PCNT: variants seen among roughly 807,000 people sequenced by gnomAD.
PCNT encodes pericentrin, also known as kendrin.
In PCNT, 319 loss-of-function variants were observed where a neutral mutation model predicts 380.4. The ratio of observed to expected loss-of-function variants is 0.84; its 90% CI spans 0.77 to 0.92. PCNT has a LOEUF of 0.92. Among genes scored for constraint, PCNT ranks in the 40% least tolerant of loss-of-function variants. The pLI, the probability that PCNT is intolerant of heterozygous loss-of-function variation, is 0.00. For synonymous variants in PCNT, 1,845 were observed against 1,735.2 expected (o/e 1.06, Z -1.57); for missense variants, 4,400 against 4,255.3 (o/e 1.03, Z -0.95).
chr21:46,411,443 C>T lies in PCNT; in HGVS notation c.5370C>T (p.Gly1790=), dbSNP rs192388432. ...GCCCTCGTGGGCAGGCCCTACAGGG[C>T]GAGCTCGAGGCTGCGCTGGAAGCCA... is the stretch of plus-strand genomic sequence containing the variant. ...AGGPRGQALQ[G]ELEAALEAKE... Residue 1790 remains glycine, a synonymous_variant, in exon 28 of 47, where the codon GGC becomes GGT. Transcript: ENST00000359568. 90 of 1,611,700 alleles carry T rather than the reference C, an allele frequency of 5.6e-5. No individual in the cohort carries two copies. The highest frequency in any genetic ancestry group is 4.0e-4 in the East Asian group (18 of 44,850).
At chr21:46,410,719 C>T (rs919141713) in intron 27 of PCNT, among the ~76,000 whole-genome samples, 4 of 152,222 alleles carry the variant, frequency 2.6e-5, no homozygotes, top group African/African-American at 4.8e-5. Flanking sequence ...TCATCACCAG[C>T]GTCACCACGA....
In PCNT at chr21:46,333,977, C is replaced by T. The variant is rs533776156; in HGVS notation, c.268-420C>T. ...ATCCCAGCACTTTGGGAGGCCAAGG[C>T]GGGCGGATCACGAGGTCAGGAGATC... On this transcript the variant is annotated intron_variant, in intron 2 of 46. Transcript: ENST00000359568. Among the ~76,000 whole-genome samples, 35 of 152,064 alleles carry T rather than the reference C, an allele frequency of 2.3e-4. No homozygotes were observed. In the Middle Eastern group the frequency reaches 0.01, roughly 45 times the overall value.
At chr21:46,384,595 G>A (rs2085755296) in intron 16 of PCNT, among the ~76,000 whole-genome samples, 1 of 143,104 alleles carries the variant, frequency 7.0e-6, no homozygotes, top group Non-Finnish European at 1.5e-5. Context: ...CCCATTCACA[G>A]TGCTGTACAT....
At chr21:46,404,432 G>A (rs1483670148) in intron 27 of PCNT, among the ~76,000 whole-genome samples, 1 of 152,228 alleles carries the variant, frequency 6.6e-6, no homozygotes, top group African/African-American at 2.4e-5. Context: ...AAGAAGAGGA[G>A]ATAGTGCGTG....
chr21:46,371,654 T>C (rs1297418760), intron 15 of PCNT, among the ~76,000 whole-genome samples: 1 of 152,248 alleles, frequency 6.6e-6, no homozygotes, highest in Non-Finnish European at 1.5e-5. Context: ...TGCCACCTGC[T>C]GTGGTCTTGA....
rs1028464655 is a variant in PCNT, at chr21:46,324,988, T to TG, written c.54+706_54+707insG. The TG allele has an allele frequency of 1.4e-4, 117 of 829,920 alleles. No individual in the cohort carries two copies. In the Admixed American group the frequency reaches 3.9e-3, roughly 28 times the overall value. 51.4% of individuals were successfully genotyped at this position (829,920 alleles called of 1,614,324 possible). On this transcript the variant is annotated intron_variant, in intron 1 of 46. Transcript: ENST00000359568. ...GCGTCCTGCCCGTCCGGGCCTGGCG[T>TG]ACGCTGCCGGGAACCCACGCGGCGC...
At chr21:46,335,709 T>A (rs560790797) in intron 3 of PCNT, among the ~76,000 whole-genome samples, 2 of 148,744 alleles carry the variant, frequency 1.3e-5, no homozygotes, top group South Asian at 2.1e-4. Flanking sequence ...TTTTTTTAAA[T>A]AGAGACGGAG....
rs768286907 is a variant in PCNT at position 46,353,302 on chromosome 21, C to G, written c.1655C>G (p.Ala552Gly). The change falls in exon 10 of 47, where the codon GCT (alanine) becomes GGT (glycine). Residue 552 changes from alanine to glycine, a missense_variant. Ala to Gly is a moderately conservative substitution (Grantham distance 60). Transcript: ENST00000359568. ...QQRLQGARED[A>G]LLDSVEVGLS... ...AGGCTGCAGGGGGCGAGGGAAGATG[C>G]TCTTCTGGACTCTGTGGAAGTTGGG... 6.2e-7 allele frequency: 1 copy of G among 1,614,108 alleles called. No individual in the cohort carries two copies. The highest frequency in any genetic ancestry group is 8.5e-7 in the Non-Finnish European group (1 of 1,179,980).
rs979629836 is a variant in PCNT at position 46,425,409 on chromosome 21, G to A, written c.7180-422G>A. 1.3e-5 allele frequency among the ~76,000 whole-genome samples: 2 copies of A among 152,236 alleles called. No individual in the cohort carries two copies. The highest frequency in any genetic ancestry group is 2.1e-4 in the South Asian group (1 of 4,832). On this transcript the variant is annotated intron_variant, in intron 32 of 46. Coordinates refer to ENST00000359568, the MANE Select transcript of PCNT (RefSeq NM_006031.6). This position sits in a 1 kb window ranked among gnomAD's most constrained non-coding sequence, Gnocchi z 4.2. ...CACAGAGGCCTCCTGGGTGGCCATC[G>A]TGTGGCCTTCTCGTAGCGTCCCAGG...
chr21:46,357,333 C>A, intron 13 of PCNT, 142 bp downstream of exon 13: 1 of 718,642 alleles, frequency 1.4e-6, no homozygotes, highest in Non-Finnish European at 2.5e-6. Context: ...GGCGACAGTC[C>A]CGTAAATTCT....
At chr21:46,353,717 TG>T (rs1193897104) in intron 10 of PCNT, among the ~76,000 whole-genome samples, 6 of 65,102 alleles carry the variant, frequency 9.2e-5, no homozygotes, top group African/African-American at 2.3e-4. Context: ...CTCCTCCAGG[TG>T]TGTGTGTGTG....
At chr21:46,326,618 A>G (rs2083402979) in intron 2 of PCNT, 29 bp downstream of exon 2, 2 of 1,595,730 alleles carry the variant, frequency 1.3e-6, no homozygotes, top group African/African-American at 1.3e-5. Flanking sequence ...GTATTTGAAC[A>G]TTTCGCTTAT....
intron 13 of PCNT, among the ~76,000 whole-genome samples, chr21:46,363,122 G>C (rs369047718): frequency 6.6e-6 from 1 of 152,192 alleles, no homozygotes; most frequent in Non-Finnish European, 1.5e-5. Flanking sequence ...GCCTGCGGCC[G>C]ATCTGAGTCC....
intron 15 of PCNT, among the ~76,000 whole-genome samples, chr21:46,371,967 A>C (rs994767675): frequency 6.6e-6 from 1 of 151,342 alleles, no homozygotes; most frequent in African/African-American, 2.4e-5. Flanking sequence ...CAGCACATAC[A>C]TAGCACATAC....
intron 11 of PCNT, among the ~76,000 whole-genome samples, chr21:46,354,452 C>T (rs1270774336): frequency 1.3e-5 from 2 of 152,226 alleles, no homozygotes; most frequent in Admixed American, 6.5e-5. Context: ...GAGTTGCTTC[C>T]GTGCTGCGAC....
chr21:46,328,575 G>A (rs567054002), intron 2 of PCNT, among the ~76,000 whole-genome samples: 11 of 151,568 alleles, frequency 7.3e-5, no homozygotes, highest in African/African-American at 1.9e-4. Flanking sequence ...ATTTTCCTGC[G>A]TCAGCCTCCC....
At chr21:46,440,348 T>G (rs2053573981) in intron 42 of PCNT, 146 bp downstream of exon 42, 4 of 872,230 alleles carry the variant, frequency 4.6e-6, no homozygotes, top group Non-Finnish European at 7.5e-6. Flanking sequence ...GTTCACAGAA[T>G]AAACTTCGGC....
chr21:46,419,311 G>A (rs1476920842), intron 31 of PCNT, among the ~76,000 whole-genome samples: 3 of 152,186 alleles, frequency 2.0e-5, no homozygotes, highest in South Asian at 4.1e-4. Context: ...TGAGGGGACC[G>A]TTTCCTGAGC....
chr21:46,325,548 T>A (rs1235952841), intron 1 of PCNT, among the ~76,000 whole-genome samples: 2 of 152,256 alleles, frequency 1.3e-5, no homozygotes, highest in Non-Finnish European at 2.9e-5. Flanking sequence ...GAGACCATTT[T>A]CTTGTGTAAA....
Sources: allele counts gnomAD v4.1 joint callset (sites outside exome capture counted in the v4.1 genomes callset), GRCh38; gene constraint gnomAD v4.1.1; non-coding constraint Gnocchi (gnomAD v3.1); transcripts MANE v1.5; gene names NCBI Gene and HGNC (gene_info 2026-07-23, HGNC 2026-07-21).